The following E2F5 variants were observed in gnomAD, a reference collection of about 807,000 sequenced individuals.
E2F5 encodes the protein E2F transcription factor 5.
In E2F5, 23 loss-of-function variants were observed where a neutral mutation model predicts 39.1. The observed-to-expected ratio is 0.59, with a 90% CI of 0.42 to 0.83. E2F5 has a LOEUF of 0.83. Among genes scored for constraint, E2F5 ranks in the 40% least tolerant of loss-of-function variants. The pLI, the probability that E2F5 is intolerant of heterozygous loss-of-function variation, is 0.00. For missense variants in E2F5, 365 were observed against 406.7 expected (o/e 0.90, Z 0.88); for synonymous variants, 145 against 157.8 (o/e 0.92, Z 0.61).
intron 1 of E2F5, among the ~76,000 whole-genome samples, chr8:85,196,937 TA>T (rs1007613898): frequency 3.9e-5 from 6 of 152,226 alleles, no homozygotes; most frequent in African/African-American, 1.4e-4. Context: ...TAGATCAACA[TA>T]AAGTACCATG....
chr8:85,189,216 T>G (rs4150880), intron 1 of E2F5, among the ~76,000 whole-genome samples: 3 of 152,218 alleles, frequency 2.0e-5, no homozygotes, highest in Admixed American at 2.0e-4. Flanking sequence ...TACTGAAGTA[T>G]CAGTAGAAAG....
chr8:85,192,933 A>T (rs1170699721), intron 1 of E2F5, among the ~76,000 whole-genome samples: 1 of 152,198 alleles, frequency 6.6e-6, no homozygotes, highest in Non-Finnish European at 1.5e-5. Flanking sequence ...TACCTACCAC[A>T]GGTGGTTATG....
intron 1 of E2F5, among the ~76,000 whole-genome samples, chr8:85,191,978 T>C (rs1019498112): frequency 6.6e-6 from 1 of 152,048 alleles, no homozygotes. Context: ...AGATGACTGT[T>C]GTGTGAAGAG....
chr8:85,200,212 A>C (rs1482986169), intron 1 of E2F5: 8 of 642,794 alleles, frequency 1.2e-5, no homozygotes, highest in African/African-American at 2.0e-5. Flanking sequence ...ACACCACTGC[A>C]CTCCAGCTTC....
At chr8:85,183,740 T>G (rs1227583046) in intron 1 of E2F5, among the ~76,000 whole-genome samples, 1 of 151,822 alleles carries the variant, frequency 6.6e-6, no homozygotes, top group Non-Finnish European at 1.5e-5. Context: ...TTACCAGGGG[T>G]TGAGGGAAAA....
chr8:85,203,211 A>G lies in E2F5; in HGVS notation c.462A>G (p.Leu154=), dbSNP rs762314763. Residue 154 remains leucine, a synonymous_variant, in exon 3 of 8, where the codon CTA becomes CTG. Transcript: ENST00000416274. ...AACTTGATCAGCAGAAGTTGTGGCT[A>G]CAGCAAAGCATCAAAAATGTGATGG... is the stretch of plus-strand genomic sequence containing the variant. ...ERELDQQKLW[L]QQSIKNVMDD... 1 of 1,603,868 alleles carries G rather than the reference A, an allele frequency of 6.2e-7. No homozygotes were observed. Among genetic ancestry groups the G allele is most frequent in the Non-Finnish European group, 8.5e-7 (1 of 1,175,122 alleles).
intron 1 of E2F5, among the ~76,000 whole-genome samples, chr8:85,194,374 T>C (rs543998046): frequency 7.3e-4 from 111 of 152,228 alleles, no homozygotes; most frequent in African/African-American, 2.6e-3. Flanking sequence ...TTAAAATCCA[T>C]GTACATTCTA....
chr8:85,190,127 A>G (rs1020097329), intron 1 of E2F5, among the ~76,000 whole-genome samples: 1 of 152,184 alleles, frequency 6.6e-6, no homozygotes, highest in Admixed American at 6.5e-5. Context: ...ACTCCCTCTT[A>G]GATGACTCCA....
At chr8:85,195,332 A>G (rs1812558346) in intron 1 of E2F5, among the ~76,000 whole-genome samples, 3 of 152,082 alleles carry the variant, frequency 2.0e-5, no homozygotes, top group Non-Finnish European at 4.4e-5. Context: ...GCAGTGAGCC[A>G]AGACTGTGCT....
At chr8:85,205,068 C>G (rs1291472232) in intron 3 of E2F5, among the ~76,000 whole-genome samples, 1 of 152,150 alleles carries the variant, frequency 6.6e-6, no homozygotes, top group African/African-American at 2.4e-5. Flanking sequence ...CATCTGTAAT[C>G]CCAGCTACCA....
chr8:85,208,892 C>G (rs917739923), intron 5 of E2F5, among the ~76,000 whole-genome samples: 2 of 152,020 alleles, frequency 1.3e-5, no homozygotes, highest in African/African-American at 2.4e-5. Context: ...AGATGGTTGC[C>G]AGAATTCTAC....
At chr8:85,204,316 T>TTTA (rs1177513161) in intron 3 of E2F5, among the ~76,000 whole-genome samples, 2 of 152,148 alleles carry the variant, frequency 1.3e-5, no homozygotes, top group South Asian at 4.1e-4. Context: ...TCCATAAACC[T>TTTA]TTCTGGCTGA....
In E2F5 at chr8:85,177,522, G is replaced by A; in HGVS notation, c.102G>A (p.Gln34=). Residue 34 remains glutamine, a synonymous_variant, in exon 1 of 8, where the codon CAG becomes CAA. Coordinates refer to ENST00000416274, the MANE Select transcript of E2F5 (RefSeq NM_001951.4). ...PPQPPQAQAP[Q]PPPPPQLGGA... ...AGCCTCCGCAGGCGCAAGCCCCGCAGCCGCCCCCGCCGCCGCAGCTCGGGG... is the reference window on the plus strand; with the variant it reads ...AGCCTCCGCAGGCGCAAGCCCCGCAACCGCCCCCGCCGCCGCAGCTCGGGG... 2 of 1,137,658 alleles carry A rather than the reference G, an allele frequency of 1.8e-6. 1 individual carries two copies. The highest frequency in any genetic ancestry group is 7.3e-4 in the Middle Eastern group (2 of 2,724). The allele number at this position is 1,137,658 out of a possible 1,614,324, so 70.5% of individuals were successfully genotyped here. A position where few individuals can be genotyped will look rare whatever the true frequency, so the allele number is the denominator to read the frequency against.
At chr8:85,207,531 A>G (rs768889750) in intron 5 of E2F5, 42 bp downstream of exon 5, 26 of 1,468,204 alleles carry the variant, frequency 1.8e-5, no homozygotes, top group Non-Finnish European at 2.2e-5. Context: ...GGAAAAATGA[A>G]TCTACTGTCT....
At chr8:85,184,379 G>A (rs548490166) in intron 1 of E2F5, among the ~76,000 whole-genome samples, 1 of 152,142 alleles carries the variant, frequency 6.6e-6, no homozygotes, top group South Asian at 2.1e-4. Flanking sequence ...AAATAATAAG[G>A]CTATTTATGA....
chr8:85,199,235 C>A (rs557614831), intron 1 of E2F5, among the ~76,000 whole-genome samples: 1 of 152,160 alleles, frequency 6.6e-6, no homozygotes, highest in Non-Finnish European at 1.5e-5. Context: ...ACCCCTCACA[C>A]TTCAGAACCT....
At chr8:85,185,657 G>A (rs189745768) in intron 1 of E2F5, among the ~76,000 whole-genome samples, 8 of 152,004 alleles carry the variant, frequency 5.3e-5, no homozygotes, top group Admixed American at 2.0e-4. Context: ...GAACTTAGAC[G>A]AATTTACAAT....
At chr8:85,180,221 A>G (rs1812172030) in intron 1 of E2F5, among the ~76,000 whole-genome samples, 1 of 149,666 alleles carries the variant, frequency 6.7e-6, no homozygotes, top group Non-Finnish European at 1.5e-5. Flanking sequence ...GGGTTTCACC[A>G]TGTTGGCCAG....
At chr8:85,195,892 A>G (rs191119255) in intron 1 of E2F5, among the ~76,000 whole-genome samples, 171 of 152,314 alleles carry the variant, frequency 1.1e-3, no homozygotes, top group Non-Finnish European at 1.1e-3. Context: ...TGTCCTAGTT[A>G]AATAGGCACT....
Sources: allele counts gnomAD v4.1 joint callset (sites outside exome capture counted in the v4.1 genomes callset), GRCh38; gene constraint gnomAD v4.1.1; transcripts MANE v1.5; gene names NCBI Gene and HGNC (gene_info 2026-07-23, HGNC 2026-07-21).